Variants in NID2 observed in about 807,000 individuals in gnomAD.
The protein encoded by NID2 is nidogen 2.
In NID2, 83 loss-of-function variants were observed where a neutral mutation model predicts 145.4. The ratio of observed to expected loss-of-function variants is 0.57; its 90% CI spans 0.48 to 0.69. The LOEUF (loss-of-function observed/expected upper bound fraction) is 0.69. Among genes scored for constraint, NID2 ranks in the 30% least tolerant of loss-of-function variants. NID2 has a pLI of 0.00. For missense variants in NID2, 1,807 were observed against 1,765.7 expected, an observed-to-expected ratio of 1.02 and a Z score of -0.42; for synonymous variants, 739 against 701.3, an observed-to-expected ratio of 1.05 and a Z score of -0.85.
chr14:52,019,883 G>GA (rs1209970850), intron 13 of NID2, among the ~76,000 whole-genome samples, 176 bp downstream of exon 13: 1 of 152,164 alleles, frequency 6.6e-6, no homozygotes, highest in Non-Finnish European at 1.5e-5. Context: ...GAAATGTTAC[G>GA]AATCAGTGAA....
chr14:52,055,369 T>C (rs1300307237), intron 3 of NID2, among the ~76,000 whole-genome samples: 1 of 152,206 alleles, frequency 6.6e-6, no homozygotes, highest in Non-Finnish European at 1.5e-5. Flanking sequence ...CTTGAACTGA[T>C]TAATTCCCTA....
intron 14 of NID2, among the ~76,000 whole-genome samples, 182 bp from the exon 15 acceptor site, chr14:52,015,457 C>CA (rs1236165144): frequency 1.4e-4 from 21 of 152,342 alleles, no homozygotes; most frequent in Admixed American, 5.2e-4. Context: ...ACTTCTCCAC[C>CA]ATGGGAATCA....
In NID2 at chr14:52,030,560, G is replaced by GA. The variant is rs1222355771; in HGVS notation, c.2258-871dup. Among the ~76,000 whole-genome samples the GA allele has an allele frequency of 4.6e-3, 245 of 53,186 alleles. 8 individuals are homozygous for GA. Among genetic ancestry groups the GA allele is most frequent in the African/African-American group, 0.016 (242 of 15,610 alleles). 34.9% of individuals were successfully genotyped at this position (53,186 alleles called of 152,430 possible). A position where few individuals can be genotyped will look rare whatever the true frequency, so the allele number is the denominator to read the frequency against. ...AGAAAGAAAGAAAGAAAGAAAGAAA[G>GA]AAAGAAAGGAAGGAAGGGAAAGAAA... On this transcript the variant is annotated intron_variant, in intron 9 of 21. Transcript: ENST00000216286.
rs376430961 is a variant in NID2, at chr14:52,020,124, G to T, written c.2729C>A (p.Thr910Asn). The T allele has an allele frequency of 6.8e-6, 11 of 1,614,174 alleles. No individual in the cohort carries two copies. The East Asian group carries it at 2.5e-4, about 36-fold the overall frequency. The change falls in exon 13 of 22, where the codon ACT (threonine) becomes AAT (asparagine). Residue 910 changes from threonine to asparagine, a missense_variant. Physicochemically the swap from Thr to Asn is moderately conservative, Grantham distance 65. Coordinates refer to ENST00000216286, the MANE Select transcript of NID2 (RefSeq NM_007361.4). ...RCHPAATCYN[T>N]PGSFSCRCQP... The stretch of plus-strand genomic sequence containing the variant: ...ACAACGGCAGGAGAAGGAACCAGGA[G>T]TATTGTAGCAGGTAGCTGCAGGGTG...
intron 5 of NID2, among the ~76,000 whole-genome samples, chr14:52,044,265 CCT>C (rs1566765517): frequency 2.4e-5 from 2 of 85,068 alleles, no homozygotes; most frequent in African/African-American, 9.6e-5. Context: ...CATTTAACAA[CCT>C]TTTTTTTTTT....
At chr14:52,039,149 A>C (rs1412636931) in intron 8 of NID2, among the ~76,000 whole-genome samples, 172 bp from the exon 9 acceptor site, 1 of 152,224 alleles carries the variant, frequency 6.6e-6, no homozygotes, top group Admixed American at 6.5e-5. Flanking sequence ...GAGTGGATGC[A>C]AAGCCACAGT....
Position 52,017,365 on chromosome 14 carries a change from G to A in NID2, c.3028+1696C>T, listed in dbSNP as rs79419087. ...TATTTTGAAATTGTGGGCACAGAGCGTCCTTACCCTCCCTCAAGCTGACCC... is the reference window on the plus strand; with the variant it reads ...TATTTTGAAATTGTGGGCACAGAGCATCCTTACCCTCCCTCAAGCTGACCC... On this transcript the variant is annotated intron_variant, in intron 14 of 21. Transcript: ENST00000216286. 6.5e-3 allele frequency among the ~76,000 whole-genome samples: 991 copies of A among 152,210 alleles called. 13 individuals are homozygous for A. The highest frequency in any genetic ancestry group is 0.022 in the African/African-American group (907 of 41,528).
At chr14:52,045,233 T>G (rs941938487) in intron 5 of NID2, among the ~76,000 whole-genome samples, 1 of 152,176 alleles carries the variant, frequency 6.6e-6, no homozygotes, top group Admixed American at 6.5e-5. Flanking sequence ...TATTACAGCA[T>G]GTTGAAAAAC....
Position 52,053,958 on chromosome 14 carries a change from C to A in NID2, c.1070-20G>T, listed in dbSNP as rs1349856820. 6.2e-7 allele frequency: 1 copy of A among 1,611,740 alleles called. No homozygotes were observed. The highest frequency in any genetic ancestry group is 8.5e-7 in the Non-Finnish European group (1 of 1,178,920). ...AAGATTCTGTTTCAGGATAGAATGGCCAATAAGTAGGTGTTGGATGCAAGG... is the reference window on the plus strand; with the variant it reads ...AAGATTCTGTTTCAGGATAGAATGGACAATAAGTAGGTGTTGGATGCAAGG... On this transcript the variant is annotated intron_variant, in intron 4 of 21. Transcript: ENST00000216286.
intron 16 of NID2, 76 bp from the exon 17 acceptor site, chr14:52,011,759 T>C: frequency 1.3e-6 from 2 of 1,543,088 alleles, no homozygotes; most frequent in Non-Finnish European, 1.8e-6. Context: ...GCCTTGCTCA[T>C]GCACAGCTGC....
Position 52,040,729 on chromosome 14 carries a change from C to CT in NID2, c.1947dup (p.Gly650ArgfsTer85). 1 of 1,614,134 alleles carries CT rather than the reference C, an allele frequency of 6.2e-7. No homozygotes were observed. The highest frequency in any genetic ancestry group is 2.2e-5 in the East Asian group (1 of 44,880). On this transcript the variant is annotated frameshift_variant, in exon 8 of 22. Coordinates refer to ENST00000216286, the MANE Select transcript of NID2 (RefSeq NM_007361.4). LOFTEE classifies it high-confidence loss of function. ...TTTGCTGAGACGTAAGGCACCTGGC[C>CT]TTGAATGTTGGTCTTAATGCTCAGG... is the stretch of plus-strand genomic sequence containing the variant.
chr14:52,068,657 G>T, intron 1 of NID2, 110 bp downstream of exon 1: 1 of 953,650 alleles, frequency 1.0e-6, no homozygotes, highest in South Asian at 1.5e-5. Flanking sequence ...AAGGGTGCTG[G>T]GGGGCTCCAG....
intron 2 of NID2, among the ~76,000 whole-genome samples, chr14:52,063,696 C>T (rs958551174): frequency 3.9e-5 from 6 of 152,296 alleles, no homozygotes; most frequent in African/African-American, 1.4e-4. Context: ...TTGTCATCTT[C>T]CTCAGGACCA....
Position 52,054,034 on chromosome 14 carries a change from G to C in NID2, c.1055C>G (p.Thr352Arg). 3 of 1,613,940 alleles carry C rather than the reference G, an allele frequency of 1.9e-6. No homozygotes were observed. In the South Asian group the frequency reaches 3.3e-5, roughly 18 times the overall value. ...GGAGATCCTACCCTCTAAAGGCTTT[G>C]TATCCACTTTGGATTGGAAGGAAAC... ...IDVSFQSKVD[T>R]KPLEESSTLD... The change falls in exon 4 of 22, where the codon ACA becomes AGA. Residue 352 changes from threonine (T) to arginine (R), a missense_variant. Thr to Arg is a moderately conservative substitution (Grantham distance 71, BLOSUM62 -1). Coordinates refer to ENST00000216286, the MANE Select transcript of NID2 (RefSeq NM_007361.4).
chr14:52,051,995 T>C (rs1892696186), intron 5 of NID2, among the ~76,000 whole-genome samples: 1 of 152,070 alleles, frequency 6.6e-6, no homozygotes, highest in Admixed American at 6.5e-5. Context: ...TTCTTAACCC[T>C]TTAATACATG....
In NID2 at chr14:52,068,983, G is replaced by A. The variant is rs776238125; in HGVS notation, c.12C>T (p.Asp4=). ...ACAGCACCGGCCGCCCGGCCACCCG[G>A]TCCCCCTCCATGCTCGCTCGGCCGT... is the stretch of plus-strand genomic sequence containing the variant. MEG[D]RVAGRPVLSS... The change falls in exon 1 of 22, where the codon GAC becomes GAT. Residue 4 remains aspartate, a synonymous_variant. Transcript: ENST00000216286. 8.2e-5 allele frequency: 132 copies of A among 1,610,938 alleles called. No individual in the cohort carries two copies. Among genetic ancestry groups the A allele is most frequent in the Non-Finnish European group, 1.1e-4 (124 of 1,179,072 alleles).
chr14:52,054,915 G>C (rs1176764523), intron 3 of NID2, among the ~76,000 whole-genome samples: 1 of 152,100 alleles, frequency 6.6e-6, no homozygotes. Flanking sequence ...TAATCCAAAT[G>C]GTTTATCTAA....
chr14:52,029,078 A>G (rs907090610), intron 10 of NID2, among the ~76,000 whole-genome samples: 2 of 152,216 alleles, frequency 1.3e-5, no homozygotes, highest in Non-Finnish European at 2.9e-5. Flanking sequence ...TTTTAAGTGA[A>G]TATTCTAAGA....
chr14:52,040,640 G>A lies in NID2; in HGVS notation c.2026+11C>T. ...CCCCATTTTACAGATGTGAAGACTG[G>A]TTATACATACTGGAGTCGGAGTAGT... On this transcript the variant is annotated intron_variant, in intron 8 of 21. Coordinates refer to ENST00000216286, the MANE Select transcript of NID2 (RefSeq NM_007361.4). The A allele has an allele frequency of 6.2e-7, 1 of 1,611,148 alleles. No individual in the cohort carries two copies. The highest frequency in any genetic ancestry group is 8.5e-7 in the Non-Finnish European group (1 of 1,177,328).
Sources: allele counts gnomAD v4.1 joint callset (sites outside exome capture counted in the v4.1 genomes callset), GRCh38; gene constraint gnomAD v4.1.1; transcripts MANE v1.5; gene names NCBI Gene and HGNC (gene_info 2026-07-23, HGNC 2026-07-21).